The following IQCM variants were observed in gnomAD, a reference collection of about 807,000 sequenced individuals.
IQCM encodes the protein IQ motif containing M.
IQCM carries 45 observed loss-of-function variants against 57.6 expected under a neutral mutation model. The observed-to-expected ratio is 0.78, with a 90% CI of 0.62 to 1.00. IQCM has a LOEUF of 1.00. IQCM is among the 50% of genes least tolerant of loss of function. IQCM has a pLI of 0.00. For missense variants in IQCM, 468 were observed against 511.6 expected (o/e 0.91, Z 0.82); for synonymous variants, 148 against 158.9 (o/e 0.93, Z 0.51).
chr4:149,536,918 T>A (rs1177944234), intron 12 of IQCM, among the ~76,000 whole-genome samples: 4 of 152,038 alleles, frequency 2.6e-5, no homozygotes, highest in African/African-American at 4.8e-5. Context: ...GGCAGCCTGC[T>A]ACACAAAAGT....
chr4:149,486,504 T>A (rs893324487), intron 12 of IQCM, among the ~76,000 whole-genome samples: 1 of 152,070 alleles, frequency 6.6e-6, no homozygotes, highest in African/African-American at 2.4e-5. Flanking sequence ...ATCCCAGCAC[T>A]TTGGGAGGCT....
At chr4:149,558,520 A>G (rs1461335245) in intron 10 of IQCM, among the ~76,000 whole-genome samples, 1 of 152,186 alleles carries the variant, frequency 6.6e-6, no homozygotes, top group African/African-American at 2.4e-5. Flanking sequence ...ATTTTAGTGA[A>G]AGGAGCAATA....
intron 7 of IQCM, among the ~76,000 whole-genome samples, chr4:149,664,991 A>C (rs914945568): frequency 3.3e-5 from 5 of 152,116 alleles, no homozygotes; most frequent in African/African-American, 1.2e-4. Flanking sequence ...AGGCACATGG[A>C]ATTTGAAACC....
At chr4:149,375,445 T>C (rs1377639754) in intron 13 of IQCM, among the ~76,000 whole-genome samples, 1 of 152,090 alleles carries the variant, frequency 6.6e-6, no homozygotes, top group Non-Finnish European at 1.5e-5. Flanking sequence ...AAAGTCCATA[T>C]CACCAGGAGC....
intron 12 of IQCM, among the ~76,000 whole-genome samples, chr4:149,443,751 A>AAGGAAAGGAG (rs1560845314): frequency 6.6e-5 from 10 of 150,816 alleles, no homozygotes; most frequent in African/African-American, 2.4e-4. Flanking sequence ...AAGGAAAGGA[A>AAGGAAAGGAG]GAAAACTGGC....
At chr4:149,377,713 A>G (rs956926003) in intron 13 of IQCM, among the ~76,000 whole-genome samples, 1 of 152,176 alleles carries the variant, frequency 6.6e-6, no homozygotes, top group African/African-American at 2.4e-5. Context: ...GTGCTATACT[A>G]GCAAGAGCAA....
chr4:149,494,118 A>G (rs945360965), intron 12 of IQCM, among the ~76,000 whole-genome samples: 3 of 151,862 alleles, frequency 2.0e-5, no homozygotes, highest in African/African-American at 4.8e-5. Context: ...GCCTGATACG[A>G]TACCCACAAT....
In IQCM at chr4:149,751,831, C is replaced by T. The variant is rs140396873; in HGVS notation, c.-48-9092G>A. 3.8e-3 allele frequency among the ~76,000 whole-genome samples: 580 copies of T among 151,936 alleles called. 3 individuals carry two copies. Among genetic ancestry groups the T allele is most frequent in the Non-Finnish European group, 3.4e-3 (232 of 67,960 alleles). On this transcript the variant is annotated intron_variant, in intron 2 of 13. Coordinates refer to ENST00000636793, the MANE Select transcript of IQCM (RefSeq NM_001363507.2). ...TGAGAAATAGGGCAAGCAGCAGACT[C>T]GGGGAGGGTGGGAATAGCATAGAAA...
At chr4:149,560,594 T>C (rs1750026331) in intron 10 of IQCM, among the ~76,000 whole-genome samples, 1 of 152,138 alleles carries the variant, frequency 6.6e-6, no homozygotes, top group African/African-American at 2.4e-5. Context: ...CACAAAAATT[T>C]TTAAAGGAAA....
intron 12 of IQCM, among the ~76,000 whole-genome samples, chr4:149,456,778 G>C (rs1737749080): frequency 6.6e-6 from 1 of 152,046 alleles, no homozygotes. Context: ...ACGAAAGAAG[G>C]TCAGAAAGAC....
intron 9 of IQCM, among the ~76,000 whole-genome samples, chr4:149,575,120 G>A (rs111926909): frequency 1.5e-4 from 23 of 152,010 alleles, no homozygotes; most frequent in African/African-American, 4.8e-4. Context: ...GAGGGCTTTC[G>A]TTTTCTGTAC....
In IQCM at chr4:149,743,738, A is replaced by G. The variant is rs558752616; in HGVS notation, c.-48-999T>C. 2.0e-5 allele frequency among the ~76,000 whole-genome samples: 3 copies of G among 152,288 alleles called. No individual in the cohort carries two copies. The South Asian group carries it at 6.2e-4, about 32-fold the overall frequency. On this transcript the variant is annotated intron_variant, in intron 2 of 13. Coordinates refer to ENST00000636793, the MANE Select transcript of IQCM (RefSeq NM_001363507.2). The stretch of plus-strand genomic sequence containing the variant: ...ATTGCATTCTAGAGGTGCTCAACAA[A>G]GGGCTGATTAATGGGTTCATTAGCT...
chr4:149,697,561 C>A (rs1057437349), intron 5 of IQCM, among the ~76,000 whole-genome samples: 1 of 152,008 alleles, frequency 6.6e-6, no homozygotes, highest in African/African-American at 2.4e-5. Context: ...TTGCCCCCTG[C>A]AGAACAAATT....
chr4:149,548,679 G>A, intron 11 of IQCM, 90 bp from the exon 12 acceptor site: 1 of 599,896 alleles, frequency 1.7e-6, no homozygotes, highest in Admixed American at 4.4e-5. Flanking sequence ...CTGTCTACCA[G>A]TAAGTCTCCA....
chr4:149,624,127 G>C (rs923522774), intron 7 of IQCM, among the ~76,000 whole-genome samples: 2 of 150,388 alleles, frequency 1.3e-5, no homozygotes, highest in African/African-American at 4.9e-5. Context: ...CCATAAAACT[G>C]AATATAATGA....
At chr4:149,619,748 C>A (rs1341933376) in intron 8 of IQCM, among the ~76,000 whole-genome samples, 1 of 152,160 alleles carries the variant, frequency 6.6e-6, no homozygotes, top group Non-Finnish European at 1.5e-5. Context: ...GAAGTTCAAA[C>A]CTCCACTGTA....
At chr4:149,371,137 T>C (rs1248730111) in intron 13 of IQCM, among the ~76,000 whole-genome samples, 2 of 152,154 alleles carry the variant, frequency 1.3e-5, no homozygotes, top group Non-Finnish European at 2.9e-5. Context: ...TCTACATCTA[T>C]GGAAGGGCTG....
At chr4:149,702,330 A>ACACC (rs1554024916) in intron 5 of IQCM, among the ~76,000 whole-genome samples, 6 of 149,922 alleles carry the variant, frequency 4.0e-5, no homozygotes, top group East Asian at 2.0e-4. Flanking sequence ...ACACACACAC[A>ACACC]CCCATAGCAC....
chr4:149,690,962 G>A (rs1762902434), intron 5 of IQCM: 1 of 152,044 alleles, frequency 6.6e-6, no homozygotes. Flanking sequence ...CAGTAAAAGT[G>A]GGTAATTTCT....
Sources: allele counts gnomAD v4.1 joint callset (sites outside exome capture counted in the v4.1 genomes callset), GRCh38; gene constraint gnomAD v4.1.1; transcripts MANE v1.5; gene names NCBI Gene and HGNC (gene_info 2026-07-23, HGNC 2026-07-21).